ST8SIA5: variants seen among roughly 807,000 people sequenced by gnomAD.
ST8SIA5 encodes the protein alpha-2,8-sialyltransferase 8E.
Under a neutral mutation model 40.2 loss-of-function variants are expected in ST8SIA5, and 24 were observed. That is an observed-to-expected ratio of 0.60 (90% confidence interval 0.43 to 0.84). ST8SIA5 has a LOEUF of 0.84. ST8SIA5 is among the 40% of genes least tolerant of loss of function. The pLI is 0.00. For missense variants in ST8SIA5, 465 were observed against 498.5 expected, an observed-to-expected ratio of 0.93 and a Z score of 0.64; for synonymous variants, 198 against 201.8, an observed-to-expected ratio of 0.98 and a Z score of 0.16.
intron 2 of ST8SIA5, among the ~76,000 whole-genome samples, chr18:46,698,247 A>C (rs2039576662): frequency 6.7e-6 from 1 of 150,172 alleles, no homozygotes; most frequent in Non-Finnish European, 1.5e-5. Flanking sequence ...AACAATCAAA[A>C]CAACAACCCA....
intron 2 of ST8SIA5, among the ~76,000 whole-genome samples, chr18:46,702,293 C>T (rs2039626029): frequency 6.6e-6 from 1 of 152,184 alleles, no homozygotes; most frequent in African/African-American, 2.4e-5. Context: ...CTGCTACCAG[C>T]TTCTGAACTT....
chr18:46,717,426 C>T (rs972228510), intron 1 of ST8SIA5, among the ~76,000 whole-genome samples: 2 of 152,158 alleles, frequency 1.3e-5, no homozygotes, highest in Non-Finnish European at 2.9e-5. Flanking sequence ...ACCTCTGCCT[C>T]CTGAGTTCAA....
chr18:46,734,085 A>G (rs1210422592), intron 1 of ST8SIA5, among the ~76,000 whole-genome samples: 1 of 152,086 alleles, frequency 6.6e-6, no homozygotes. Context: ...AGAAGGTGCC[A>G]GGACCTTCCC....
chr18:46,728,442 C>T (rs781729367), intron 1 of ST8SIA5, among the ~76,000 whole-genome samples: 3 of 152,200 alleles, frequency 2.0e-5, no homozygotes, highest in South Asian at 2.1e-4. Context: ...GCCAAGCATC[C>T]GCGAGTGCCC....
chr18:46,710,472 TCCCTTCCCCTTC>T (rs200767820), intron 1 of ST8SIA5, among the ~76,000 whole-genome samples: 3 of 147,570 alleles, frequency 2.0e-5, no homozygotes, highest in African/African-American at 5.0e-5. Context: ...TCCTTCCTTC[TCCCTTCCCCTTC>T]CCCTTCCCCT....
chr18:46,751,304 GAACT>G (rs2040193133), intron 1 of ST8SIA5, among the ~76,000 whole-genome samples: 1 of 152,146 alleles, frequency 6.6e-6, no homozygotes, highest in African/African-American at 2.4e-5. Flanking sequence ...GCACATTTCA[GAACT>G]TCCTTTCTTT....
At position 46,676,376 on chromosome 18, in the gene ST8SIA5, G is replaced by C. The variant is rs1317820113; in HGVS notation, c.*3666C>G. The C allele has an allele frequency of 4.6e-5, 7 of 152,198 alleles. No individual in the cohort carries two copies. Among genetic ancestry groups the C allele is most frequent in the Admixed American group, 4.6e-4 (7 of 15,282 alleles). The allele number at this position is 152,198 out of a possible 1,614,324, so 9.4% of individuals were successfully genotyped here. On this transcript the variant is annotated 3_prime_UTR_variant, in exon 7 of 7. Transcript: ENST00000315087. The stretch of plus-strand genomic sequence containing the variant: ...CGTTTTGTTCATCACTAGCTCCCCG[G>C]CACCTGGCACCATGCCTGGCACAAC...
At chr18:46,711,632 C>T (rs1047684578) in intron 1 of ST8SIA5, among the ~76,000 whole-genome samples, 2 of 152,212 alleles carry the variant, frequency 1.3e-5, no homozygotes, top group African/African-American at 4.8e-5. Context: ...TAGCACACGA[C>T]CCGTCACAGC....
chr18:46,744,970 G>A (rs1183058385), intron 1 of ST8SIA5, among the ~76,000 whole-genome samples: 7 of 152,130 alleles, frequency 4.6e-5, no homozygotes, highest in South Asian at 2.1e-4. Flanking sequence ...TGACTACTGG[G>A]TAAATAACGA....
intron 1 of ST8SIA5, among the ~76,000 whole-genome samples, chr18:46,727,568 A>G (rs1049058575): frequency 7.9e-5 from 12 of 152,218 alleles, no homozygotes; most frequent in African/African-American, 2.9e-4. Flanking sequence ...ATTTTTGCCA[A>G]TGGATTAAAA....
chr18:46,740,061 C>T (rs2040073343), intron 1 of ST8SIA5, among the ~76,000 whole-genome samples: 1 of 152,220 alleles, frequency 6.6e-6, no homozygotes, highest in African/African-American at 2.4e-5. Context: ...CAATAAACAT[C>T]CTACACTCTA....
intron 1 of ST8SIA5, among the ~76,000 whole-genome samples, chr18:46,744,150 C>T (rs2040115155): frequency 6.6e-6 from 1 of 152,216 alleles, no homozygotes; most frequent in African/African-American, 2.4e-5. Context: ...GAAGAAACTG[C>T]ATCAATTAAC....
At chr18:46,719,704 T>TTCTTTCTTTCTTTCTTTCTCTCTC (rs760988683) in intron 1 of ST8SIA5, among the ~76,000 whole-genome samples, 1 of 143,866 alleles carries the variant, frequency 7.0e-6, no homozygotes, top group Non-Finnish European at 1.5e-5. Flanking sequence ...CTTTCTTTCT[T>TTCTTTCTTTCTTTCTTTCTCTCTC]TCTCTCTTTC....
chr18:46,678,088 C>G lies in ST8SIA5; in HGVS notation c.*1954G>C. 1 of 152,256 alleles carries G rather than the reference C, an allele frequency of 6.6e-6. No homozygotes were observed. Among genetic ancestry groups the G allele is most frequent in the East Asian group, 1.9e-4 (1 of 5,204 alleles). 9.4% of individuals were successfully genotyped at this position (152,256 alleles called of 1,614,324 possible). ...CTCCCTGGGAGAAATAGGCAGAGCTCAAGCAAGTAATAACCATCCACTGTC... is the reference window on the plus strand; with the variant it reads ...CTCCCTGGGAGAAATAGGCAGAGCTGAAGCAAGTAATAACCATCCACTGTC... On this transcript the variant is annotated 3_prime_UTR_variant, in exon 7 of 7. Coordinates refer to ENST00000315087, the MANE Select transcript of ST8SIA5 (RefSeq NM_013305.6).
In ST8SIA5 at chr18:46,682,034, G is replaced by A. The variant is rs2039402039; in HGVS notation, c.600C>T (p.Tyr200=). ...RCNLPPISEK[Y]TMDVGVKTDV... is the part of the protein sequence containing the mutation. ...CCGTCTTCACCCCCACATCCATGGT[G>A]TACTTCTCTGAGATGGGGGGCAGGT... The change falls in exon 6 of 7, where the codon TAC becomes TAT. Residue 200 remains tyrosine, a synonymous_variant. Coordinates refer to ENST00000315087, the MANE Select transcript of ST8SIA5 (RefSeq NM_013305.6). 1.2e-6 allele frequency: 2 copies of A among 1,610,462 alleles called. No individual in the cohort carries two copies. The highest frequency in any genetic ancestry group is 1.7e-6 in the Non-Finnish European group (2 of 1,179,044).
chr18:46,734,989 A>C (rs1418112712), intron 1 of ST8SIA5, among the ~76,000 whole-genome samples: 1 of 152,208 alleles, frequency 6.6e-6, no homozygotes, highest in African/African-American at 2.4e-5. Context: ...GGAGAGGCAG[A>C]CCCACCCTTA....
At chr18:46,684,926 G>A (rs1397616546) in intron 5 of ST8SIA5, among the ~76,000 whole-genome samples, 5 of 152,072 alleles carry the variant, frequency 3.3e-5, no homozygotes, top group Admixed American at 6.6e-5. Flanking sequence ...AAGGACAAGC[G>A]GCAGTTGGCA....
At chr18:46,722,409 A>C (rs748095770) in intron 1 of ST8SIA5, among the ~76,000 whole-genome samples, 3 of 152,198 alleles carry the variant, frequency 2.0e-5, no homozygotes, top group Non-Finnish European at 4.4e-5. Flanking sequence ...TCTGCACTGA[A>C]AACAGTGGAT....
At chr18:46,740,952 A>G (rs920781865) in intron 1 of ST8SIA5, among the ~76,000 whole-genome samples, 2 of 152,218 alleles carry the variant, frequency 1.3e-5, no homozygotes, top group African/African-American at 4.8e-5. Flanking sequence ...AAATATTTAG[A>G]GGAAATTTTA....
Sources: allele counts gnomAD v4.1 joint callset (sites outside exome capture counted in the v4.1 genomes callset), GRCh38; gene constraint gnomAD v4.1.1; transcripts MANE v1.5; gene names NCBI Gene and HGNC (gene_info 2026-07-23, HGNC 2026-07-21).